INTS1: variants seen among roughly 807,000 people sequenced by gnomAD.
INTS1 encodes integrator complex subunit 1.
INTS1 carries 137 observed loss-of-function variants against 241.6 expected under a neutral mutation model. The ratio of observed to expected loss-of-function variants is 0.57; its 90% CI spans 0.49 to 0.65. The LOEUF is 0.65. Among genes scored for constraint, INTS1 ranks in the 30% least tolerant of loss-of-function variants. The pLI, the probability that INTS1 is intolerant of heterozygous loss-of-function variation, is 0.00. For synonymous variants in INTS1, 1,692 were observed against 1,337.8 expected, an observed-to-expected ratio of 1.26 and a Z score of -5.78; for missense variants, 3,073 against 3,032.2, an observed-to-expected ratio of 1.01 and a Z score of -0.32.
chr7:1,495,323 G>GCCTGGCTTGT, intron 13 of INTS1, 110 bp downstream of exon 13: 1 of 1,337,454 alleles, frequency 7.5e-7, no homozygotes, highest in Non-Finnish European at 1.0e-6. Context: ...GCTGTGCGGG[G>GCCTGGCTTGT]CCTGGCTTGT....
At chr7:1,503,868 G>T in intron 2 of INTS1, 35 bp downstream of exon 2, 3 of 1,509,070 alleles carry the variant, frequency 2.0e-6, no homozygotes, top group East Asian at 2.5e-5. Context: ...GACCCCCAAA[G>T]ACCCCCGGGC....
rs190533882 is a variant in INTS1, at chr7:1,502,187, C to G, written c.349+714G>C. On this transcript the variant is annotated intron_variant, in intron 3 of 47. Coordinates refer to ENST00000404767, the MANE Select transcript of INTS1 (RefSeq NM_001080453.3). ...ATCAGGACACTTGTTCTTTTTGACT[C>G]CTACAAAGAAATTACCCAAAAGAGA... 5.8e-4 allele frequency among the ~76,000 whole-genome samples: 89 copies of G among 152,208 alleles called. 1 individual carries two copies. Among genetic ancestry groups the G allele is most frequent in the African/African-American group, 2.0e-3 (84 of 41,540 alleles).
Position 1,485,481 on chromosome 7 carries a change from A to T in INTS1, c.2977-12T>A. 6.2e-7 allele frequency: 1 copy of T among 1,610,774 alleles called. No homozygotes were observed. Among genetic ancestry groups the T allele is most frequent in the Non-Finnish European group, 8.5e-7 (1 of 1,179,582 alleles). ...ACCAGCGACAAACCCTGTGGCAGAC[A>T]CTCATGAGCTGGGCCGGCTTTCGGC... On this transcript the variant is annotated splice_polypyrimidine_tract_variant and intron_variant, in intron 22 of 47. Coordinates refer to ENST00000404767, the MANE Select transcript of INTS1 (RefSeq NM_001080453.3).
rs4546558 is a variant in INTS1 at position 1,480,256 on chromosome 7, C to G, written c.4074+61G>C. 688,468 of 1,533,808 alleles carry G rather than the reference C, an allele frequency of 0.45. 161,967 individuals carry two copies. Among genetic ancestry groups the G allele is most frequent in the African/African-American group, 0.77 (56,665 of 73,226 alleles). On this transcript the variant is annotated intron_variant, in intron 30 of 47. Coordinates refer to ENST00000404767, the MANE Select transcript of INTS1 (RefSeq NM_001080453.3). ...GGCCGCTGTGCGTGCGAGGCGGCAG[C>G]GAAGGCTGCACGCAGGAAGAGGGGC... is the stretch of plus-strand genomic sequence containing the variant.
chr7:1,494,701 G>T, intron 14 of INTS1, 115 bp downstream of exon 14: 1 of 988,912 alleles, frequency 1.0e-6, no homozygotes, highest in Non-Finnish European at 1.5e-6. Context: ...GGATGGTGCT[G>T]TGACCATGGG....
intron 12 of INTS1, among the ~76,000 whole-genome samples, chr7:1,495,903 C>G (rs1782825426): frequency 6.6e-6 from 1 of 152,212 alleles, no homozygotes; most frequent in Admixed American, 6.5e-5. Flanking sequence ...GCCTGCAATG[C>G]CCCCATGCTG....
rs560593283 is a variant in INTS1, at chr7:1,502,983, C to T, written c.267G>A (p.Leu89=). 42 of 1,613,808 alleles carry T rather than the reference C, an allele frequency of 2.6e-5. 1 individual carries two copies. In the South Asian group the frequency reaches 4.6e-4, roughly 18 times the overall value. ...KLSSTPPLSA[L]GRLAEAAVAE... is the part of the protein sequence containing the mutation. ...CCACTGCAGCCTCAGCCAGGCGCCCCAGGGCACTCAGAGGGGGTGTGGAGG... is the reference window on the plus strand; with the variant it reads ...CCACTGCAGCCTCAGCCAGGCGCCCTAGGGCACTCAGAGGGGGTGTGGAGG... Residue 89 remains leucine (L), a synonymous_variant, in exon 3 of 48, where the codon CTG becomes CTA. Transcript: ENST00000404767.
intron 16 of INTS1, among the ~76,000 whole-genome samples, chr7:1,492,482 G>T (rs527905619): frequency 1.3e-5 from 2 of 152,180 alleles, no homozygotes; most frequent in Admixed American, 6.5e-5. Flanking sequence ...TTCTCTTGGG[G>T]GAACCAAAGA....
chr7:1,488,022 G>A (rs1477066609), intron 18 of INTS1, 65 bp from the exon 19 acceptor site: 10 of 1,537,776 alleles, frequency 6.5e-6, no homozygotes, highest in African/African-American at 4.1e-5. Flanking sequence ...AGTGGGCCAC[G>A]CTCAGGGTCA....
At chr7:1,474,560 T>G in intron 40 of INTS1, 145 bp downstream of exon 40, 1 of 1,273,418 alleles carries the variant, frequency 7.9e-7, no homozygotes, top group South Asian at 1.5e-5. Flanking sequence ...AGCTCAGTCC[T>G]GACTTCCCCC....
intron 30 of INTS1, 102 bp downstream of exon 30, chr7:1,480,215 C>T (rs1344464076): frequency 6.6e-6 from 9 of 1,359,626 alleles, no homozygotes; most frequent in Middle Eastern, 2.6e-4. Context: ...CTGGGTCAGG[C>T]GGTCACGCAA....
At position 1,478,498 on chromosome 7, in the gene INTS1, C is replaced by A; in HGVS notation, c.4498G>T (p.Gly1500Trp). 6.2e-7 allele frequency: 1 copy of A among 1,610,572 alleles called. No homozygotes were observed. The highest frequency in any genetic ancestry group is 8.5e-7 in the Non-Finnish European group (1 of 1,179,398). The change falls in exon 33 of 48, where the codon GGG becomes TGG. Residue 1500 changes from glycine to tryptophan, a missense_variant. Coordinates refer to ENST00000404767, the MANE Select transcript of INTS1 (RefSeq NM_001080453.3). ...AGGGCCTCGGCCAGGCGCAGGAGCC[C>A]CCCTCGCACTGTGGGAGGTCTGTGT... The part of the protein sequence containing the change: ...AGRRLSDVRG[G>W]LLRLAEALAF...
chr7:1,485,717 G>A (rs1485494211), intron 22 of INTS1, among the ~76,000 whole-genome samples: 1 of 152,270 alleles, frequency 6.6e-6, no homozygotes, highest in East Asian at 1.9e-4. Flanking sequence ...CAGGCAGGCG[G>A]CAGGGTCCAC....
chr7:1,481,088 C>T lies in INTS1; in HGVS notation c.3851-155G>A. 1.5e-6 allele frequency: 1 copy of T among 688,812 alleles called. No homozygotes were observed. Among genetic ancestry groups the T allele is most frequent in the Non-Finnish European group, 2.5e-6 (1 of 395,250 alleles). The allele number at this position is 688,812 out of a possible 1,614,324, so 42.7% of individuals were successfully genotyped here. Reference sequence around the variant, plus strand: ...GGTGAGCTCAGTCAGCACTGAGGCCCCAACAGCTCCCTCCAAGCTCAAAAC... The same window carrying T: ...GGTGAGCTCAGTCAGCACTGAGGCCTCAACAGCTCCCTCCAAGCTCAAAAC... On this transcript the variant is annotated intron_variant, in intron 28 of 47. Transcript: ENST00000404767. The surrounding 1 kb of genome is among the most constrained non-coding windows in gnomAD (Gnocchi z 6.8).
Position 1,470,615 on chromosome 7 carries a change from C to G in INTS1, c.6535G>C (p.Glu2179Gln). 2 of 1,585,108 alleles carry G rather than the reference C, an allele frequency of 1.3e-6. No individual in the cohort carries two copies. Among genetic ancestry groups the G allele is most frequent in the Non-Finnish European group, 1.7e-6 (2 of 1,166,654 alleles). Reference protein sequence around the residue: ...GQMDPSAQISEALRILHMEAV... With the variant: ...GQMDPSAQISQALRILHMEAV... ...TCCATATGCAGGATCCTCAGGGCCT[C>G]GGAGATCTGCGCGCTGGGGTCCATC... is the stretch of plus-strand genomic sequence containing the variant. The change falls in exon 48 of 48, where the codon GAG becomes CAG. Residue 2179 changes from glutamate to glutamine, a missense_variant. Transcript: ENST00000404767.
At chr7:1,503,872 C>A in intron 2 of INTS1, 31 bp downstream of exon 2, 1 of 1,537,558 alleles carries the variant, frequency 6.5e-7, no homozygotes, top group East Asian at 2.5e-5. Flanking sequence ...CCCAAAGACC[C>A]CCGGGCTGCA....
intron 26 of INTS1, 101 bp from the exon 27 acceptor site, chr7:1,482,808 A>G: frequency 7.0e-7 from 1 of 1,428,224 alleles, no homozygotes; most frequent in African/African-American, 1.4e-5. Context: ...CCCGAGAAGG[A>G]AACTGAGACT....
At chr7:1,504,088 C>T (rs987834731) in intron 1 of INTS1, 87 bp from the exon 2 acceptor site, 5 of 725,502 alleles carry the variant, frequency 6.9e-6, no homozygotes, top group South Asian at 3.8e-5. Context: ...GGGCTTGGGC[C>T]TGGGACCCGG....
chr7:1,478,981 C>G lies in INTS1; in HGVS notation c.4330-96G>C, dbSNP rs146826334. On this transcript the variant is annotated intron_variant, in intron 31 of 47. Transcript: ENST00000404767. ...GCAGGGCCCGTGAGGCTGCTGAGAC[C>G]TGCCGCGACCGGCACTTGGAGCCTG... 3.1e-3 allele frequency: 4,205 copies of G among 1,368,206 alleles called. 10 individuals carry two copies. The highest frequency in any genetic ancestry group is 3.7e-3 in the Admixed American group (156 of 41,992). The allele number at this position is 1,368,206 out of a possible 1,614,324, so 84.8% of individuals were successfully genotyped here.
Sources: gnomAD v4.1 joint callset for allele counts (sites outside exome capture counted in the v4.1 genomes callset) on GRCh38, gnomAD v4.1.1 for gene constraint, Gnocchi (gnomAD v3.1) non-coding constraint, MANE v1.5 for transcripts, NCBI Gene and HGNC (gene_info 2026-07-23, HGNC 2026-07-21) for gene names.